CLUL1: variants seen among roughly 807,000 people sequenced by gnomAD.
CLUL1 encodes clusterin like 1.
Under a neutral mutation model 49.4 loss-of-function variants are expected in CLUL1, and 43 were observed. That is an observed-to-expected ratio of 0.87 (90% CI 0.68 to 1.12). The LOEUF (loss-of-function observed/expected upper bound fraction) is 1.12. Ranked by LOEUF, CLUL1 falls within the 50% of genes most tolerant of loss-of-function variation. CLUL1 has a pLI of 0.00. For synonymous variants in CLUL1, 192 were observed against 184.9 expected (o/e 1.04, Z -0.31); for missense variants, 486 against 544.4 (o/e 0.89, Z 1.07).
rs1239888528 is a variant in CLUL1 at position 650,026 on chromosome 18, A to G, written c.*125A>G. ...CAGGAAAGTATGTTAGCTATATACT[A>G]TGAAGTACTCTTAGTTTACTTATGT... is the stretch of plus-strand genomic sequence containing the variant. On this transcript the variant is annotated 3_prime_UTR_variant, in exon 10 of 10. Transcript: ENST00000692774. 1.6e-6 allele frequency: 1 copy of G among 640,860 alleles called. No homozygotes were observed. The highest frequency in any genetic ancestry group is 2.7e-6 in the Non-Finnish European group (1 of 369,302). 39.7% of individuals were successfully genotyped at this position (640,860 alleles called of 1,614,324 possible).
In CLUL1 at chr18:618,109, AC is replaced by A; in HGVS notation, c.106+4del. The A allele has an allele frequency of 6.2e-7, 1 of 1,607,676 alleles. No homozygotes were observed. The highest frequency in any genetic ancestry group is 8.5e-7 in the Non-Finnish European group (1 of 1,174,116). Reference sequence around the variant, plus strand: ...TGCTATCAGTGAAAACCTGAAGAGTACGTTTGGTTTCTTATCTGTGCTGTGT... The same window carrying A: ...TGCTATCAGTGAAAACCTGAAGAGTAGTTTGGTTTCTTATCTGTGCTGTGT... On this transcript the variant is annotated splice_donor_region_variant and intron_variant, in intron 3 of 9. Transcript: ENST00000692774. This position sits in a 1 kb window ranked among gnomAD's most constrained non-coding sequence, Gnocchi z 4.2.
Position 602,637 on chromosome 18 carries a change from T to C in CLUL1, c.-135-4341T>C, listed in dbSNP as rs557222969. Among the ~76,000 whole-genome samples the C allele has an allele frequency of 5.9e-5, 9 of 152,222 alleles. No homozygotes were observed. In the South Asian group the frequency reaches 1.9e-3, roughly 32 times the overall value. On this transcript the variant is annotated intron_variant, in intron 1 of 9. Transcript: ENST00000692774. ...GACCCTGATTCAATAGGAAAATAAATTATTGAAATAGAGGAAGAGACAGGT... is the reference window on the plus strand; with the variant it reads ...GACCCTGATTCAATAGGAAAATAAACTATTGAAATAGAGGAAGAGACAGGT...
At chr18:639,895 A>G (rs2074291632) in intron 7 of CLUL1, among the ~76,000 whole-genome samples, 1 of 152,176 alleles carries the variant, frequency 6.6e-6, no homozygotes, top group South Asian at 2.1e-4. Flanking sequence ...AAAGAAGTAT[A>G]AGAGAGACTG....
intron 9 of CLUL1, among the ~76,000 whole-genome samples, chr18:648,726 G>A (rs1041790628): frequency 5.9e-5 from 9 of 152,040 alleles, no homozygotes; most frequent in East Asian, 1.9e-4. Context: ...GCATGATCTC[G>A]GCTCACGGCA....
At chr18:626,851 ACT>A (rs1409918964) in intron 5 of CLUL1, among the ~76,000 whole-genome samples, 2 of 131,578 alleles carry the variant, frequency 1.5e-5, no homozygotes, top group Admixed American at 1.9e-4. Flanking sequence ...ACAGAGCAAG[ACT>A]CCATCTCAAA....
At chr18:610,137 C>T (rs1363580599) in intron 2 of CLUL1, among the ~76,000 whole-genome samples, 2 of 152,076 alleles carry the variant, frequency 1.3e-5, no homozygotes, top group African/African-American at 4.8e-5. Flanking sequence ...GATCAAGAAC[C>T]AAATTAAAAC....
intron 9 of CLUL1, among the ~76,000 whole-genome samples, chr18:645,811 ATATATATATATAT>A (rs1302613616): frequency 0.077 from 2,581 of 33,486 alleles, 307 homozygotes; most frequent in South Asian, 0.11. Flanking sequence ...AAAAAAAAAA[ATATATATATATAT>A]ATATATATAT....
At chr18:637,163 T>A (rs2074167530) in intron 7 of CLUL1, among the ~76,000 whole-genome samples, 1 of 152,024 alleles carries the variant, frequency 6.6e-6, no homozygotes, top group Admixed American at 6.6e-5. Context: ...AATTTTTGTA[T>A]TTTTAGTAGA....
In CLUL1 at chr18:618,547, G is replaced by C. The variant is rs770300398; in HGVS notation, c.106+441G>C. On this transcript the variant is annotated intron_variant, in intron 3 of 9. Coordinates refer to ENST00000692774, the MANE Select transcript of CLUL1 (RefSeq NM_001393344.1). This position sits in a 1 kb window ranked among gnomAD's most constrained non-coding sequence, Gnocchi z 4.2. Reference sequence around the variant, plus strand: ...TCTGTGGCCATTAACTTGCAACTTTGCTTGGTGATATATACTTTGGGTACT... The same window carrying C: ...TCTGTGGCCATTAACTTGCAACTTTCCTTGGTGATATATACTTTGGGTACT... Among the ~76,000 whole-genome samples the C allele has an allele frequency of 2.6e-5, 4 of 152,146 alleles. No homozygotes were observed. The highest frequency in any genetic ancestry group is 5.9e-5 in the Non-Finnish European group (4 of 68,032).
At chr18:632,266 G>A (rs2074011958) in intron 6 of CLUL1, among the ~76,000 whole-genome samples, 1 of 151,768 alleles carries the variant, frequency 6.6e-6, no homozygotes, top group East Asian at 1.9e-4. Flanking sequence ...CTAAATCTTT[G>A]ACCCCCTGTT....
At chr18:598,501 C>A in intron 1 of CLUL1, 1 of 398,570 alleles carries the variant, frequency 2.5e-6, no homozygotes, top group Non-Finnish European at 4.4e-6. Flanking sequence ...ATCCTCTAGG[C>A]AGTATCAGCT....
Position 624,906 on chromosome 18 carries a change from GGAA to G in CLUL1, c.304_306del (p.Glu102del). ...TGAATGAAGTTCAAGAACATCTGGA[GGAA>G]GAAGAAAGGCTATGCCGGGAGTCTT... On this transcript the variant is annotated inframe_deletion, in exon 5 of 10. Coordinates refer to ENST00000692774, the MANE Select transcript of CLUL1 (RefSeq NM_001393344.1). 6.2e-7 allele frequency: 1 copy of G among 1,614,180 alleles called. No individual in the cohort carries two copies. The highest frequency in any genetic ancestry group is 8.5e-7 in the Non-Finnish European group (1 of 1,180,002).
At chr18:623,774 G>A (rs2073584804) in intron 4 of CLUL1, among the ~76,000 whole-genome samples, 1 of 151,942 alleles carries the variant, frequency 6.6e-6, no homozygotes, top group Non-Finnish European at 1.5e-5. Flanking sequence ...GTTTTCTTAC[G>A]TGGATCATAC....
intron 1 of CLUL1, among the ~76,000 whole-genome samples, chr18:604,232 A>G (rs946138384): frequency 1.3e-5 from 2 of 152,210 alleles, no homozygotes; most frequent in African/African-American, 4.8e-5. Context: ...GTGTATCAAT[A>G]CTTCACTCCT....
intron 5 of CLUL1, 69 bp from the exon 6 acceptor site, chr18:627,028 A>AG (rs373268170): frequency 0.086 from 25,582 of 298,986 alleles, 12,104 homozygotes; most frequent in African/African-American, 0.28. Flanking sequence ...AGAAAGAAAG[A>AG]AAAGAAAGAA....
At chr18:605,956 C>T (rs1357731367) in intron 1 of CLUL1, among the ~76,000 whole-genome samples, 5 of 152,224 alleles carry the variant, frequency 3.3e-5, no homozygotes, top group Admixed American at 3.3e-4. Flanking sequence ...TGAGCCACCA[C>T]ACCCAGCCCC....
intron 1 of CLUL1, among the ~76,000 whole-genome samples, chr18:605,361 C>T (rs527720158): frequency 5.8e-4 from 89 of 152,264 alleles, no homozygotes; most frequent in African/African-American, 2.1e-3. Flanking sequence ...GGTGTGGTGG[C>T]TCACGCCTGT....
At chr18:619,693 G>A (rs1476393756) in intron 4 of CLUL1, among the ~76,000 whole-genome samples, 1 of 151,560 alleles carries the variant, frequency 6.6e-6, no homozygotes, top group Admixed American at 6.6e-5. Context: ...TAGATCAGTG[G>A]TCTCCAGAGT....
chr18:649,817 T>C, intron 9 of CLUL1, 81 bp from the exon 10 acceptor site: 3 of 970,760 alleles, frequency 3.1e-6, no homozygotes, highest in Admixed American at 4.1e-5. Flanking sequence ...TCCTGGACTT[T>C]TACTCCAAGA....
Sources: allele counts gnomAD v4.1 joint callset (sites outside exome capture counted in the v4.1 genomes callset), GRCh38; gene constraint gnomAD v4.1.1; non-coding constraint Gnocchi (gnomAD v3.1); transcripts MANE v1.5; gene names NCBI Gene and HGNC (gene_info 2026-07-23, HGNC 2026-07-21).